The following SMAP1 variants were observed in gnomAD, a reference collection of about 807,000 sequenced individuals.
The protein encoded by SMAP1 is stromal membrane-associated protein 1.
In SMAP1, 24 loss-of-function variants were observed where a neutral mutation model predicts 58.5. That is an observed-to-expected ratio of 0.41 (90% CI 0.30 to 0.58). The LOEUF (loss-of-function observed/expected upper bound fraction) is 0.58. SMAP1 is among the 20% of genes least tolerant of loss of function. SMAP1 has a pLI of 0.29. For missense variants in SMAP1, 563 were observed against 566.3 expected (o/e 0.99, Z 0.06); for synonymous variants, 216 against 196.6 (o/e 1.10, Z -0.82).
chr6:70,849,328 G>T (rs1322201814), intron 7 of SMAP1, among the ~76,000 whole-genome samples: 1 of 152,152 alleles, frequency 6.6e-6, no homozygotes, highest in East Asian at 1.9e-4. Context: ...CTTCATGACA[G>T]CTCCATTAAC....
intron 6 of SMAP1, among the ~76,000 whole-genome samples, chr6:70,819,924 C>T (rs1769811673): frequency 6.6e-6 from 1 of 152,158 alleles, no homozygotes; most frequent in Non-Finnish European, 1.5e-5. Context: ...TCCCCTATTA[C>T]TATGTGAGAT....
chr6:70,771,359 G>A (rs1242838441), intron 3 of SMAP1, among the ~76,000 whole-genome samples: 1 of 145,088 alleles, frequency 6.9e-6, no homozygotes, highest in Non-Finnish European at 1.5e-5. Flanking sequence ...CAGAGTTGGA[G>A]CCTACAGAGG....
Position 70,852,549 on chromosome 6 carries a change from C to A in SMAP1, c.674C>A (p.Ala225Asp). Residue 225 changes from alanine to aspartate, a missense_variant, in exon 8 of 11, where the codon GCT (alanine) becomes GAT (aspartate). Transcript: ENST00000370455. ...TVDLLGLDGP[A>D]VAPVTNGNTT... ...TCTATATTCTTTTCAGATGGCCCTG[C>A]TGTGGCACCAGTGACCAACGGGAAC... The A allele has an allele frequency of 6.3e-7, 1 of 1,592,630 alleles. No homozygotes were observed. Among genetic ancestry groups the A allele is most frequent in the Non-Finnish European group, 8.5e-7 (1 of 1,170,096 alleles).
In SMAP1 at chr6:70,857,913, G is replaced by A. The variant is rs969870908; in HGVS notation, c.962-9G>A. 2 of 1,611,122 alleles carry A rather than the reference G, an allele frequency of 1.2e-6. No individual in the cohort carries two copies. Among genetic ancestry groups the A allele is most frequent in the African/African-American group, 2.7e-5 (2 of 74,702 alleles). ...CTCTGTCTTCATTCATTTTCTTTTTGTGGTGCAGGTGTATTTATGGGACCC... is the reference window on the plus strand; with the variant it reads ...CTCTGTCTTCATTCATTTTCTTTTTATGGTGCAGGTGTATTTATGGGACCC... On this transcript the variant is annotated splice_polypyrimidine_tract_variant and intron_variant, in intron 9 of 10. Coordinates refer to ENST00000370455, the MANE Select transcript of SMAP1 (RefSeq NM_001044305.3).
intron 1 of SMAP1, among the ~76,000 whole-genome samples, chr6:70,692,989 T>G (rs1425987302): frequency 2.6e-5 from 4 of 152,162 alleles, no homozygotes; most frequent in Non-Finnish European, 5.9e-5. Flanking sequence ...TTCACCATGT[T>G]AGCCAGGATG....
In SMAP1 at chr6:70,679,180, G is replaced by A. The variant is rs1025286209; in HGVS notation, c.118+11039G>A. On this transcript the variant is annotated intron_variant, in intron 1 of 10. Transcript: ENST00000370455. ...CTTACAGGTGTGTGCCACCACACCC[G>A]CCTAATTTTTGTATTTTTGGTAGAG... Among the ~76,000 whole-genome samples, 39 of 151,822 alleles carry A rather than the reference G, an allele frequency of 2.6e-4. 1 individual carries two copies. Among genetic ancestry groups the A allele is most frequent in the Admixed American group, 2.2e-3 (33 of 15,236 alleles).
intron 4 of SMAP1, among the ~76,000 whole-genome samples, chr6:70,782,984 C>A (rs1198576811): frequency 2.0e-5 from 3 of 152,200 alleles, no homozygotes; most frequent in African/African-American, 7.2e-5. Context: ...GGCAGACTGC[C>A]TCCTCAAGTG....
intron 2 of SMAP1, among the ~76,000 whole-genome samples, chr6:70,740,152 T>G (rs1023098346): frequency 1.3e-5 from 2 of 152,248 alleles, no homozygotes; most frequent in African/African-American, 4.8e-5. Context: ...TTCTTTCTGC[T>G]GATCATTTTT....
At chr6:70,798,545 A>G (rs1768705759) in intron 5 of SMAP1, 112 bp from the exon 6 acceptor site, 1 of 738,304 alleles carries the variant, frequency 1.4e-6, no homozygotes, top group Admixed American at 3.0e-5. Flanking sequence ...AGATATTGTA[A>G]TTACTGAATA....
In SMAP1 at chr6:70,669,112, C is replaced by CT. The variant is rs545237521; in HGVS notation, c.118+981dup. 3.5e-4 allele frequency among the ~76,000 whole-genome samples: 52 copies of CT among 148,004 alleles called. 1 individual carries two copies. Among genetic ancestry groups the CT allele is most frequent in the East Asian group, 1.6e-3 (8 of 5,046 alleles). ...GTAAGTAATCTCAAGGGAAATATTTCTTTTTTTTTTAAAGAAATGTCTTGT... is the reference window on the plus strand; with the variant it reads ...GTAAGTAATCTCAAGGGAAATATTTCTTTTTTTTTTTAAAGAAATGTCTTGT... On this transcript the variant is annotated intron_variant, in intron 1 of 10. Transcript: ENST00000370455.
At chr6:70,750,356 T>C (rs933178223) in intron 2 of SMAP1, among the ~76,000 whole-genome samples, 1 of 152,246 alleles carries the variant, frequency 6.6e-6, no homozygotes, top group African/African-American at 2.4e-5. Context: ...CGTGTTATTT[T>C]TTGTATGTTT....
chr6:70,672,378 T>A (rs1338904033), intron 1 of SMAP1, among the ~76,000 whole-genome samples: 1 of 152,190 alleles, frequency 6.6e-6, no homozygotes, highest in Non-Finnish European at 1.5e-5. Context: ...AGTTTTTGCC[T>A]GCTCAGCTTT....
In SMAP1 at chr6:70,745,611, G is replaced by GCC. The variant is rs779002627; in HGVS notation, c.253-9368_253-9367dup. Among the ~76,000 whole-genome samples the GCC allele has an allele frequency of 1.3e-3, 199 of 152,310 alleles. 1 individual carries two copies. Among genetic ancestry groups the GCC allele is most frequent in the Non-Finnish European group, 9.8e-4 (67 of 68,026 alleles). ...ATAGTTTGAAGTCAGGTAGTGTGAT[G>GCC]CCTCCAGCTTTGTTCTTTTTGCTTA... On this transcript the variant is annotated intron_variant, in intron 2 of 10. Coordinates refer to ENST00000370455, the MANE Select transcript of SMAP1 (RefSeq NM_001044305.3).
At chr6:70,727,889 C>T (rs1420887820) in intron 1 of SMAP1, among the ~76,000 whole-genome samples, 2 of 151,984 alleles carry the variant, frequency 1.3e-5, no homozygotes. Flanking sequence ...ATGGTGAAAC[C>T]CTGTCTCTAC....
chr6:70,726,606 A>G (rs565310133), intron 1 of SMAP1, among the ~76,000 whole-genome samples: 2 of 152,294 alleles, frequency 1.3e-5, no homozygotes, highest in South Asian at 2.1e-4. Flanking sequence ...CATCATGGTA[A>G]TCAGAAACTG....
chr6:70,809,128 A>G (rs947795620), intron 6 of SMAP1, among the ~76,000 whole-genome samples: 2 of 152,196 alleles, frequency 1.3e-5, no homozygotes, highest in Non-Finnish European at 2.9e-5. Flanking sequence ...TTCACAAAGT[A>G]TATAAAAGTA....
At chr6:70,837,660 C>A in intron 7 of SMAP1, 1 of 438,592 alleles carries the variant, frequency 2.3e-6, no homozygotes, top group Non-Finnish European at 3.1e-6. Flanking sequence ...GTTAGCTTCT[C>A]TCTCTCTCTT....
chr6:70,843,799 G>C (rs559723893), intron 7 of SMAP1, among the ~76,000 whole-genome samples: 1 of 152,260 alleles, frequency 6.6e-6, no homozygotes, highest in Admixed American at 6.5e-5. Context: ...GTAGCTGAGG[G>C]CCAGAATAAA....
chr6:70,790,122 C>T (rs1022214346), intron 4 of SMAP1, among the ~76,000 whole-genome samples: 7 of 152,110 alleles, frequency 4.6e-5, no homozygotes, highest in Non-Finnish European at 1.5e-5. Context: ...CTAAAGTGAT[C>T]GTACGGCTTT....
Sources: allele counts gnomAD v4.1 joint callset (sites outside exome capture counted in the v4.1 genomes callset), GRCh38; gene constraint gnomAD v4.1.1; transcripts MANE v1.5; gene names NCBI Gene and HGNC (gene_info 2026-07-23, HGNC 2026-07-21).